Variants in ASMTL observed in about 807,000 individuals in gnomAD.
ASMTL encodes the protein probable bifunctional dTTP/UTP pyrophosphatase/methyltransferase protein.
Under a neutral mutation model 60.3 loss-of-function variants are expected in ASMTL, and 57 were observed. The observed-to-expected ratio is 0.95, with a 90% CI of 0.76 to 1.18. The LOEUF is 1.18. ASMTL is among the 50% of genes most tolerant of loss of function. The pLI is 0.00. For synonymous variants in ASMTL, 419 were observed against 373.0 expected (o/e 1.12, Z -1.42); for missense variants, 981 against 852.6 (o/e 1.15, Z -1.88).
chrX:1,428,341 A>G (rs1379778382), intron 6 of ASMTL, among the ~76,000 whole-genome samples: 5 of 149,594 alleles, frequency 3.3e-5, no homozygotes, highest in African/African-American at 4.9e-5. Context: ...AAAAAAAAAG[A>G]AAAACAATTT....
intron 9 of ASMTL, among the ~76,000 whole-genome samples, chrX:1,420,855 A>G (rs1292730600): frequency 6.6e-6 from 1 of 151,868 alleles, no homozygotes; most frequent in Non-Finnish European, 1.5e-5. Context: ...GTGCAGCAGC[A>G]CCATCACGGC....
intron 6 of ASMTL, among the ~76,000 whole-genome samples, chrX:1,429,041 C>T (rs1410410103): frequency 5.9e-5 from 9 of 151,370 alleles, no homozygotes; most frequent in Non-Finnish European, 1.0e-4. Context: ...GGATGACAGG[C>T]ACCTGCCAAC....
chrX:1,452,822 T>C lies in ASMTL; in HGVS notation c.19A>G (p.Ile7Val). The change falls in exon 1 of 13, where the codon ATT becomes GTT. Residue 7 changes from isoleucine (I) to valine (V), a missense_variant. Physicochemically the swap from Ile to Val is conservative, Grantham distance 29. Transcript: ENST00000381317. ...ACGCGCTTGTGCAGCAGCTTCCCAA[T>C]CACCGGGCACAGCACCATGGCGTCC... MVLCPV[I>V]GKLLHKRVVL... 2 of 1,593,904 alleles carry C rather than the reference T, an allele frequency of 1.3e-6. No homozygotes were observed. Among genetic ancestry groups the C allele is most frequent in the Non-Finnish European group, 1.7e-6 (2 of 1,176,784 alleles).
At chrX:1,428,222 G>A (rs559616819) in intron 6 of ASMTL, 101 bp from the exon 7 acceptor site, 50 of 1,407,568 alleles carry the variant, frequency 3.6e-5, no homozygotes, top group African/African-American at 2.0e-4. Context: ...TCACGAGGTC[G>A]GGAGATCGAG....
chrX:1,406,471 G>A (rs188921904), intron 12 of ASMTL, among the ~76,000 whole-genome samples: 244 of 150,892 alleles, frequency 1.6e-3, no homozygotes, highest in African/African-American at 5.5e-3. Context: ...TGATGGGTAC[G>A]TAGATAGATG....
intron 12 of ASMTL, among the ~76,000 whole-genome samples, chrX:1,407,111 A>AGATG (rs1170161411): frequency 1.4e-5 from 2 of 144,894 alleles, no homozygotes; most frequent in South Asian, 2.2e-4. Context: ...GATGATGGGT[A>AGATG]GATGGATGGA....
upstream of ASMTL, chrX:1,453,606 G>C (rs2091448968): frequency 6.6e-6 from 1 of 151,160 alleles, no homozygotes; most frequent in Non-Finnish European, 1.5e-5. Context: ...TGTGGGGGTG[G>C]GGGGTTCTTA....
chrX:1,408,121 A>G, intron 12 of ASMTL, among the ~76,000 whole-genome samples: 1 of 149,680 alleles, frequency 6.7e-6, no homozygotes, highest in Non-Finnish European at 1.5e-5. Flanking sequence ...GGATCGCTTG[A>G]GCGCAGGAGG....
At chrX:1,430,140 G>A (rs2090729561) in intron 6 of ASMTL, among the ~76,000 whole-genome samples, 1 of 151,842 alleles carries the variant, frequency 6.6e-6, no homozygotes, top group African/African-American at 2.4e-5. Flanking sequence ...TCAGCCTCCT[G>A]GGTAGCTGGG....
intron 6 of ASMTL, 159 bp downstream of exon 6, chrX:1,432,110 G>T: frequency 1.6e-6 from 1 of 635,696 alleles, no homozygotes. Context: ...GTGTGGTCGT[G>T]AAGGGTTTGT....
chrX:1,412,872 C>G lies in ASMTL; in HGVS notation c.1523-18G>C, dbSNP rs5948842. The G allele has an allele frequency of 0.43, 693,893 of 1,610,372 alleles. 150,578 individuals carry two copies. Among genetic ancestry groups the G allele is most frequent in the Admixed American group, 0.44 (26,581 of 59,946 alleles). On this transcript the variant is annotated intron_variant, in intron 11 of 12. Coordinates refer to ENST00000381317, the MANE Select transcript of ASMTL (RefSeq NM_004192.4). ...AAAGTCACCTGGTTTAAAGACAAAACGAGATACGTCCGTCAGGTATGGAAG... is the reference window on the plus strand; with the variant it reads ...AAAGTCACCTGGTTTAAAGACAAAAGGAGATACGTCCGTCAGGTATGGAAG...
At chrX:1,434,072 G>A (rs1315140326) in intron 5 of ASMTL, among the ~76,000 whole-genome samples, 19 of 152,144 alleles carry the variant, frequency 1.2e-4, no homozygotes, top group Admixed American at 2.6e-4. Context: ...TAACTCCGAC[G>A]GCTACTGTCA....
Position 1,403,465 on chromosome X carries a change from G to T in ASMTL, c.1670C>A (p.Thr557Lys). The T allele has an allele frequency of 6.2e-7, 1 of 1,613,036 alleles. No individual in the cohort carries two copies. Among genetic ancestry groups the T allele is most frequent in the South Asian group, 1.1e-5 (1 of 91,084 alleles). ...KPGAGLLLVE[T>K]LLDEEKRVAQ... The stretch of plus-strand genomic sequence containing the variant: ...CACCCTCTTCTCCTCATCCAGGAGC[G>T]TCTCCACCAGCAGCAGGCCGGCCCC... Residue 557 changes from threonine to lysine, a missense_variant, in exon 13 of 13, where the codon ACG (threonine) becomes AAG (lysine). Transcript: ENST00000381317.
At chrX:1,414,917 C>T (rs1194463001) in intron 11 of ASMTL, among the ~76,000 whole-genome samples, 14 of 148,692 alleles carry the variant, frequency 9.4e-5, no homozygotes, top group Middle Eastern at 3.4e-3. Context: ...TGCTGAGTTA[C>T]AGCACGTCAG....
intron 11 of ASMTL, 178 bp downstream of exon 11, chrX:1,417,795 A>C: frequency 4.1e-6 from 1 of 241,278 alleles, no homozygotes; most frequent in Non-Finnish European, 5.6e-6. Flanking sequence ...CATACCACAC[A>C]CATGCACACA....
intron 11 of ASMTL, among the ~76,000 whole-genome samples, chrX:1,416,219 A>G (rs2090248953): frequency 6.6e-6 from 1 of 151,700 alleles, no homozygotes; most frequent in Admixed American, 6.6e-5. Flanking sequence ...ACAGGCACAC[A>G]CAGACGCAGA....
intron 8 of ASMTL, among the ~76,000 whole-genome samples, chrX:1,423,650 C>T (rs1311494528): frequency 6.6e-6 from 1 of 150,888 alleles, no homozygotes; most frequent in South Asian, 2.1e-4. Flanking sequence ...TATGCATTCC[C>T]CCACCCATCC....
At chrX:1,429,022 G>A (rs1180847782) in intron 6 of ASMTL, among the ~76,000 whole-genome samples, 9 of 150,994 alleles carry the variant, frequency 6.0e-5, no homozygotes, top group East Asian at 2.0e-4. Context: ...TCAGCCTCCC[G>A]GGTAGCTGGG....
intron 5 of ASMTL, among the ~76,000 whole-genome samples, chrX:1,432,758 G>C (rs1249424930): frequency 5.3e-5 from 8 of 152,208 alleles, no homozygotes; most frequent in Admixed American, 2.6e-4. Context: ...GAACCCGGGA[G>C]GTGCAGGTTG....
Sources: gnomAD v4.1 joint callset for allele counts (sites outside exome capture counted in the v4.1 genomes callset) on GRCh38, gnomAD v4.1.1 for gene constraint, MANE v1.5 for transcripts, NCBI Gene and HGNC (gene_info 2026-07-23, HGNC 2026-07-21) for gene names.